Variants in PCDH15 observed in about 807,000 individuals in gnomAD.
PCDH15 encodes the protein protocadherin-15.
A neutral mutation model predicts 178.5 loss-of-function variants in PCDH15; 129 were observed. That is an observed-to-expected ratio of 0.72 (90% CI 0.63 to 0.84). The LOEUF is 0.84. Ranked by LOEUF, PCDH15 falls within the 40% of genes least tolerant of loss-of-function variation. PCDH15 has a pLI of 0.00. For synonymous variants in PCDH15, 800 were observed against 732.0 expected (o/e 1.09, Z -1.50); for missense variants, 2,230 against 2,099.9 (o/e 1.06, Z -1.21).
chr10:54,527,736 T>C, intron 3 of PCDH15, 76 bp downstream of exon 3: 7 of 1,279,130 alleles, frequency 5.5e-6, no homozygotes, highest in African/African-American at 1.5e-5. Context: ...GTACCTCTAC[T>C]CATAGTAGAT....
At chr10:55,188,057 G>T (rs563083507) in intron 1 of PCDH15, among the ~76,000 whole-genome samples, 1 of 151,986 alleles carries the variant, frequency 6.6e-6, no homozygotes, top group Admixed American at 6.6e-5. Context: ...AAAATTTACA[G>T]GACTTGGGCT....
chr10:55,565,320 T>A (rs1328174894), intron 2 of PCDH15, among the ~76,000 whole-genome samples: 1 of 151,670 alleles, frequency 6.6e-6, no homozygotes, highest in Non-Finnish European at 1.5e-5. Context: ...AATCACAACA[T>A]GCCAAAATTT....
intron 2 of PCDH15, among the ~76,000 whole-genome samples, chr10:55,574,299 C>T (rs1842458899): frequency 6.6e-6 from 1 of 151,980 alleles, no homozygotes; most frequent in Admixed American, 6.6e-5. Flanking sequence ...GAACATATTT[C>T]TATGTCCTTG....
intron 2 of PCDH15, among the ~76,000 whole-genome samples, chr10:55,601,610 C>T (rs956483763): frequency 6.6e-6 from 1 of 151,944 alleles, no homozygotes; most frequent in African/African-American, 2.4e-5. Context: ...AGAGAAATTA[C>T]AGATATATTA....
intron 2 of PCDH15, among the ~76,000 whole-genome samples, chr10:54,955,223 C>A (rs927962451): frequency 3.3e-5 from 5 of 151,134 alleles, no homozygotes; most frequent in African/African-American, 4.8e-5. Context: ...CATACAGGTA[C>A]AATTAACATA....
intron 9 of PCDH15, among the ~76,000 whole-genome samples, chr10:54,224,951 G>A (rs11004149): frequency 4.0e-5 from 6 of 151,886 alleles, no homozygotes; most frequent in East Asian, 1.9e-4. Context: ...TTTTCTTATC[G>A]AAAATGTTTT....
In PCDH15 at chr10:55,210,658, C is replaced by A. The variant is rs1467833847; in HGVS notation, c.-155-44007G>T. Among the ~76,000 whole-genome samples, 3 of 91,142 alleles carry A rather than the reference C, an allele frequency of 3.3e-5. No individual in the cohort carries two copies. In the East Asian group the frequency reaches 1.2e-3, roughly 36 times the overall value. The allele number at this position is 91,142 out of a possible 152,430, so 59.8% of individuals were successfully genotyped here. On this transcript the variant is annotated intron_variant, in intron 1 of 5. Coordinates refer to the PCDH15 transcript ENST00000458638. ...TTTTTTTTTTTTTTTTTGACGGAATCTCGCTCTGTCGCCAGGCTGGAGTGT... is the reference window on the plus strand; with the variant it reads ...TTTTTTTTTTTTTTTTTGACGGAATATCGCTCTGTCGCCAGGCTGGAGTGT...
At chr10:53,885,788 T>A (rs1047852434) in intron 26 of PCDH15, among the ~76,000 whole-genome samples, 5 of 152,154 alleles carry the variant, frequency 3.3e-5, no homozygotes, top group African/African-American at 4.8e-5. Flanking sequence ...CTCAGTGGAA[T>A]AATATTTTCA....
chr10:54,112,342 T>C (rs2095041399), intron 15 of PCDH15, among the ~76,000 whole-genome samples: 1 of 151,846 alleles, frequency 6.6e-6, no homozygotes, highest in Admixed American at 6.6e-5. Context: ...GTTGTCAGTA[T>C]GATCTAGTCC....
At chr10:55,409,866 C>T (rs1838291031) in intron 2 of PCDH15, among the ~76,000 whole-genome samples, 1 of 151,888 alleles carries the variant, frequency 6.6e-6, no homozygotes, top group South Asian at 2.1e-4. Flanking sequence ...AATACGCGTA[C>T]CTAATAAAAA....
At chr10:54,425,328 T>C (rs1259911140) in intron 3 of PCDH15, among the ~76,000 whole-genome samples, 4 of 152,064 alleles carry the variant, frequency 2.6e-5, no homozygotes, top group Non-Finnish European at 4.4e-5. Flanking sequence ...AAGGGGAAGA[T>C]AGACCTGAGC....
chr10:53,963,578 T>A (rs563291478), intron 21 of PCDH15, among the ~76,000 whole-genome samples: 1 of 152,300 alleles, frequency 6.6e-6, no homozygotes, highest in South Asian at 2.1e-4. Flanking sequence ...ACATTTTAAG[T>A]CCAAACTAGT....
At chr10:53,981,774 C>A (rs1359045783) in intron 21 of PCDH15, among the ~76,000 whole-genome samples, 1 of 151,330 alleles carries the variant, frequency 6.6e-6, no homozygotes, top group Non-Finnish European at 1.5e-5. Context: ...GACTTCATGT[C>A]TAAAACACCA....
intron 2 of PCDH15, among the ~76,000 whole-genome samples, chr10:54,931,255 T>C (rs532367170): frequency 6.6e-6 from 1 of 152,232 alleles, no homozygotes; most frequent in Non-Finnish European, 1.5e-5. Context: ...CTGGAATATA[T>C]TCTGTTAAAC....
At chr10:54,014,845 G>A (rs764312305) in intron 20 of PCDH15, among the ~76,000 whole-genome samples, 7 of 152,042 alleles carry the variant, frequency 4.6e-5, no homozygotes, top group Non-Finnish European at 8.8e-5. Context: ...TCCTTGAAAA[G>A]AGAAACGAGA....
At chr10:54,080,358 T>A (rs1388417938) in intron 16 of PCDH15, among the ~76,000 whole-genome samples, 3 of 152,172 alleles carry the variant, frequency 2.0e-5, no homozygotes, top group Non-Finnish European at 2.9e-5. Context: ...TTTATAACAG[T>A]TTGGCTTGCT....
At position 54,274,326 on chromosome 10, in the gene PCDH15, T is replaced by G. The variant is rs554586161; in HGVS notation, c.877-37395A>C. 1.5e-3 allele frequency among the ~76,000 whole-genome samples: 225 copies of G among 152,192 alleles called. 1 individual carries two copies. The highest frequency in any genetic ancestry group is 1.1e-3 in the Non-Finnish European group (74 of 67,994). On this transcript the variant is annotated intron_variant, in intron 8 of 37. Coordinates refer to ENST00000644397, the MANE Select transcript of PCDH15 (RefSeq NM_001384140.1). ...TGAAGCCTGTCAGAACCACCCACTT[T>G]GTAGTCTTACATTTTCCCTAGTATT...
chr10:55,350,228 CAT>C (rs869240598), intron 2 of PCDH15, among the ~76,000 whole-genome samples: 5,227 of 72,998 alleles, frequency 0.072, 152 homozygotes, highest in Non-Finnish European at 0.086. Flanking sequence ...TATATAAACT[CAT>C]ATATATATAT....
chr10:55,545,791 G>A (rs984485604), intron 2 of PCDH15, among the ~76,000 whole-genome samples: 4 of 152,098 alleles, frequency 2.6e-5, no homozygotes, highest in African/African-American at 7.2e-5. Flanking sequence ...AACAATTATT[G>A]AGAATCTTTT....
Sources: allele counts gnomAD v4.1 joint callset (sites outside exome capture counted in the v4.1 genomes callset), GRCh38; gene constraint gnomAD v4.1.1; transcripts MANE v1.5; gene names NCBI Gene and HGNC (gene_info 2026-07-23, HGNC 2026-07-21).